Variants in SRGAP1 observed in about 807,000 individuals in gnomAD.
SRGAP1 encodes the protein SLIT-ROBO Rho GTPase activating protein 1, also known as SLIT-ROBO Rho GTPase-activating protein 1.
Under a neutral mutation model 121.9 loss-of-function variants are expected in SRGAP1, and 43 were observed. That is an observed-to-expected ratio of 0.35 (90% CI 0.28 to 0.46). The LOEUF (loss-of-function observed/expected upper bound fraction) is 0.46, where lower values mean the gene tolerates loss of function less well. SRGAP1 is among the 20% of genes least tolerant of loss of function. SRGAP1 has a pLI of 1.00. For synonymous variants in SRGAP1, 447 were observed against 485.4 expected (o/e 0.92, Z 1.04); for missense variants, 1,102 against 1,350.9 (o/e 0.82, Z 2.89).
intron 3 of SRGAP1, among the ~76,000 whole-genome samples, chr12:63,993,737 G>A (rs757101984): frequency 1.3e-5 from 2 of 151,780 alleles, no homozygotes; most frequent in Non-Finnish European, 2.9e-5. Flanking sequence ...TAATAATCAA[G>A]AAGACACTTG....
intron 6 of SRGAP1, among the ~76,000 whole-genome samples, chr12:64,060,397 A>T (rs931817982): frequency 1.2e-4 from 18 of 151,782 alleles, no homozygotes; most frequent in Non-Finnish European, 2.4e-4. Flanking sequence ...TTGTAGAGAC[A>T]GTGTCTGACT....
At chr12:64,075,010 T>A (rs2035708373) in intron 8 of SRGAP1, among the ~76,000 whole-genome samples, 1 of 151,640 alleles carries the variant, frequency 6.6e-6, no homozygotes, top group Non-Finnish European at 1.5e-5. Flanking sequence ...ATTTTGAGTC[T>A]GCCGAGACCA....
intron 1 of SRGAP1, among the ~76,000 whole-genome samples, chr12:63,964,841 CTT>C (rs956202092): frequency 6.6e-6 from 1 of 152,200 alleles, no homozygotes; most frequent in African/African-American, 2.4e-5. Context: ...TATTGAGTCA[CTT>C]TTGTCCTTTT....
chr12:64,149,174 G>A lies in SRGAP1; in HGVS notation c.*6502G>A, dbSNP rs1174683990. 5 of 152,118 alleles carry A rather than the reference G, an allele frequency of 3.3e-5. No homozygotes were observed. The highest frequency in any genetic ancestry group is 7.4e-5 in the Non-Finnish European group (5 of 68,026). The allele number at this position is 152,118 out of a possible 1,614,324, so 9.4% of individuals were successfully genotyped here. ...ATGGAGAAATGAATGGGGGGTGAGG[G>A]ACCCACCTGTCAAAGGAATTGTTTT... On this transcript the variant is annotated 3_prime_UTR_variant, in exon 22 of 22. Transcript: ENST00000355086.
At chr12:63,874,998 C>T (rs1899984720) in intron 1 of SRGAP1, among the ~76,000 whole-genome samples, 1 of 152,146 alleles carries the variant, frequency 6.6e-6, no homozygotes, top group Non-Finnish European at 1.5e-5. Context: ...TCACTGCAGC[C>T]TCAGCCTCCT....
intron 21 of SRGAP1, among the ~76,000 whole-genome samples, chr12:64,132,242 G>T (rs941047884): frequency 2.2e-4 from 33 of 152,154 alleles, no homozygotes; most frequent in Admixed American, 2.6e-4. Flanking sequence ...AGAGGCCTCC[G>T]CTGTGATTCA....
At chr12:64,025,104 C>A (rs887928010) in intron 4 of SRGAP1, among the ~76,000 whole-genome samples, 2 of 151,856 alleles carry the variant, frequency 1.3e-5, no homozygotes, top group South Asian at 2.1e-4. Flanking sequence ...AGAATCTAGC[C>A]TGGCCTTTAC....
At chr12:64,137,654 G>A (rs1160704114) in intron 21 of SRGAP1, among the ~76,000 whole-genome samples, 2 of 152,112 alleles carry the variant, frequency 1.3e-5, no homozygotes, top group Admixed American at 6.5e-5. Context: ...TTTAATATCA[G>A]GATCTTAGAT....
rs1358569763 is a variant in SRGAP1 at position 64,033,795 on chromosome 12, G to A, written c.490-8995G>A. ...CCAACACTTTGGGAGGCCAAGGCAGGTGGATCATGAGGTCAGGAGTTCAAG... is the reference window on the plus strand; with the variant it reads ...CCAACACTTTGGGAGGCCAAGGCAGATGGATCATGAGGTCAGGAGTTCAAG... On this transcript the variant is annotated intron_variant, in intron 4 of 21. Transcript: ENST00000355086. Among the ~76,000 whole-genome samples, 5 of 152,098 alleles carry A rather than the reference G, an allele frequency of 3.3e-5. No homozygotes were observed. The South Asian group carries it at 1.0e-3, about 32-fold the overall frequency.
chr12:64,025,841 A>G (rs976885678), intron 4 of SRGAP1, among the ~76,000 whole-genome samples: 1 of 152,156 alleles, frequency 6.6e-6, no homozygotes, highest in Non-Finnish European at 1.5e-5. Context: ...TGGAGACTAG[A>G]TTAGCTAATT....
rs374501455 is a variant in SRGAP1, at chr12:64,062,964, A to G, written c.849A>G (p.Thr283=). ...YHASLNRALR[T]YLSAEYNLET... ...CAAGTCTGAACAGAGCCCTAAGAAC[A>G]TATCTGTCTGCGGAGTACAACCTTG... is the stretch of plus-strand genomic sequence containing the variant. Residue 283 remains threonine, a synonymous_variant, in exon 7 of 22, where the codon ACA becomes ACG. Transcript: ENST00000355086. 66 of 1,613,960 alleles carry G rather than the reference A, an allele frequency of 4.1e-5. No homozygotes were observed. The South Asian group carries it at 6.5e-4, about 16-fold the overall frequency.
chr12:64,011,649 A>G (rs140260382), intron 3 of SRGAP1, among the ~76,000 whole-genome samples: 393 of 152,336 alleles, frequency 2.6e-3, no homozygotes, highest in Non-Finnish European at 3.9e-3. Flanking sequence ...TAGTGGAAAC[A>G]TTGGAAACAG....
intron 12 of SRGAP1, 50 bp downstream of exon 12, chr12:64,091,428 A>C: frequency 7.3e-7 from 1 of 1,374,708 alleles, no homozygotes. Context: ...TCTTACTATA[A>C]TGGTCTCAGC....
intron 1 of SRGAP1, among the ~76,000 whole-genome samples, chr12:63,976,433 A>G (rs561944104): frequency 2.0e-5 from 3 of 152,270 alleles, no homozygotes; most frequent in Admixed American, 6.5e-5. Context: ...TGTCCGCCCC[A>G]GACTCTCACT....
At chr12:63,912,518 G>A (rs2030548406) in intron 1 of SRGAP1, among the ~76,000 whole-genome samples, 1 of 152,124 alleles carries the variant, frequency 6.6e-6, no homozygotes, top group African/African-American at 2.4e-5. Context: ...GGAGGCTGAG[G>A]TGGGAGGATG....
At chr12:64,119,395 C>T (rs1257432457) in intron 18 of SRGAP1, among the ~76,000 whole-genome samples, 17 of 152,168 alleles carry the variant, frequency 1.1e-4, no homozygotes. Flanking sequence ...GTTCTTCAGA[C>T]AAACAAAACC....
At chr12:64,046,779 C>G (rs938704271) in intron 6 of SRGAP1, among the ~76,000 whole-genome samples, 1 of 152,174 alleles carries the variant, frequency 6.6e-6, no homozygotes, top group East Asian at 1.9e-4. Context: ...AGACTGGAAT[C>G]GCATATCAGG....
chr12:64,131,710 C>T (rs2036787188), intron 21 of SRGAP1, among the ~76,000 whole-genome samples: 1 of 152,148 alleles, frequency 6.6e-6, no homozygotes, highest in Non-Finnish European at 1.5e-5. Context: ...ACATATATAC[C>T]ACTTCCATTT....
chr12:63,961,186 G>A (rs987233627), intron 1 of SRGAP1, among the ~76,000 whole-genome samples: 6 of 152,046 alleles, frequency 3.9e-5, no homozygotes, highest in African/African-American at 1.2e-4. Context: ...GCCATACCAC[G>A]TATCAAGTGC....
Sources: allele counts gnomAD v4.1 joint callset (sites outside exome capture counted in the v4.1 genomes callset), GRCh38; gene constraint gnomAD v4.1.1; transcripts MANE v1.5; gene names NCBI Gene and HGNC (gene_info 2026-07-23, HGNC 2026-07-21).